Variants in CCDC198 observed in about 807,000 individuals in gnomAD.
CCDC198 encodes the protein coiled-coil domain containing 198.
A neutral mutation model predicts 35.6 loss-of-function variants in CCDC198; 18 were observed. The ratio of observed to expected loss-of-function variants is 0.51; its 90% CI spans 0.35 to 0.75. CCDC198 has a LOEUF of 0.75. Among genes scored for constraint, CCDC198 ranks in the 30% least tolerant of loss-of-function variants. The pLI is 0.01. For missense variants in CCDC198, 365 were observed against 343.7 expected (o/e 1.06, Z -0.49); for synonymous variants, 119 against 113.4 (o/e 1.05, Z -0.31).
chr14:57,487,104 G>A (rs1169911342), intron 2 of CCDC198, among the ~76,000 whole-genome samples: 2 of 152,160 alleles, frequency 1.3e-5, no homozygotes, highest in Admixed American at 1.3e-4. Context: ...TTGTGTGCAT[G>A]TTCCTTTTCC....
At chr14:57,490,648 G>C (rs1307227083) in intron 2 of CCDC198, among the ~76,000 whole-genome samples, 1 of 152,106 alleles carries the variant, frequency 6.6e-6, no homozygotes, top group Non-Finnish European at 1.5e-5. Context: ...TATCTGACTT[G>C]TAGTAGGGTG....
chr14:57,476,865 G>A (rs1441222419), intron 5 of CCDC198, among the ~76,000 whole-genome samples: 5 of 152,226 alleles, frequency 3.3e-5, no homozygotes, highest in Non-Finnish European at 7.3e-5. Context: ...AGGAGAAAGC[G>A]AACTACTTTT....
At chr14:57,482,967 T>C (rs2067236575) in intron 3 of CCDC198, 98 bp downstream of exon 3, 2 of 1,528,650 alleles carry the variant, frequency 1.3e-6, no homozygotes, top group Non-Finnish European at 1.8e-6. Context: ...AACTCCTCCA[T>C]GCAGAGAGTG....
At chr14:57,487,272 C>A in intron 2 of CCDC198, among the ~76,000 whole-genome samples, 1 of 152,120 alleles carries the variant, frequency 6.6e-6, no homozygotes, top group South Asian at 2.1e-4. Context: ...TCAAACAAAA[C>A]AAATGATCAG....
chr14:57,487,237 A>G (rs1036367382), intron 2 of CCDC198, among the ~76,000 whole-genome samples: 2 of 152,194 alleles, frequency 1.3e-5, no homozygotes, highest in African/African-American at 4.8e-5. Context: ...TCATTTGTCT[A>G]AAGACTTCTG....
At chr14:57,486,658 C>T (rs919589805) in intron 2 of CCDC198, among the ~76,000 whole-genome samples, 2 of 151,964 alleles carry the variant, frequency 1.3e-5, no homozygotes, top group African/African-American at 2.4e-5. Context: ...TAATAGACTA[C>T]GGAGGATTTT....
chr14:57,485,636 T>C (rs1418058660), intron 2 of CCDC198, among the ~76,000 whole-genome samples: 1 of 152,160 alleles, frequency 6.6e-6, no homozygotes, highest in African/African-American at 2.4e-5. Context: ...TCCCCACTAC[T>C]TCCCTGTACA....
intron 1 of CCDC198, among the ~76,000 whole-genome samples, chr14:57,492,218 C>T (rs540396954): frequency 9.2e-5 from 14 of 151,912 alleles, no homozygotes; most frequent in South Asian, 2.1e-4. Flanking sequence ...CAAGGTCATT[C>T]GATTTGGTAT....
At chr14:57,472,496 C>CT (rs1230494677) in intron 5 of CCDC198, among the ~76,000 whole-genome samples, 6 of 152,246 alleles carry the variant, frequency 3.9e-5, no homozygotes, top group South Asian at 4.1e-4. Flanking sequence ...TTGGGTAGTG[C>CT]TTTTTGTTGA....
intron 2 of CCDC198, among the ~76,000 whole-genome samples, chr14:57,486,972 C>T (rs1484751800): frequency 6.6e-6 from 1 of 152,164 alleles, no homozygotes; most frequent in African/African-American, 2.4e-5. Context: ...ACTAACATTG[C>T]ACCTGGGATC....
Position 57,471,419 on chromosome 14 carries a change from C to T in CCDC198, c.827G>A (p.Arg276Gln), listed in dbSNP as rs748261627. The change falls in exon 6 of 6, where the codon CGA (arginine) becomes CAA (glutamine). Residue 276 changes from arginine to glutamine, a missense_variant. Physicochemically the swap from Arg to Gln is conservative, Grantham distance 43 (BLOSUM62 1). Coordinates refer to ENST00000216445, the MANE Select transcript of CCDC198 (RefSeq NM_018168.4). Reference protein sequence around the residue: ...DEQGKDEKKPRALVRTRTERI... With the variant: ...DEQGKDEKKPQALVRTRTERI... ...CTCTGTCCTGGTCCTCACCAGTGCT[C>T]GTGGCTTCTTCTCATCTTTCCCCTG... 3.1e-6 allele frequency: 5 copies of T among 1,613,982 alleles called. No individual in the cohort carries two copies. The highest frequency in any genetic ancestry group is 2.2e-5 in the East Asian group (1 of 44,856).
chr14:57,472,927 TG>T (rs1441919081), intron 5 of CCDC198, among the ~76,000 whole-genome samples: 1 of 152,228 alleles, frequency 6.6e-6, no homozygotes, highest in Non-Finnish European at 1.5e-5. Context: ...CATAACTTTT[TG>T]GATGTCATCT....
At chr14:57,491,892 C>G (rs1470104363) in intron 1 of CCDC198, among the ~76,000 whole-genome samples, 1 of 152,068 alleles carries the variant, frequency 6.6e-6, no homozygotes, top group Non-Finnish European at 1.5e-5. Flanking sequence ...AATTATGCAT[C>G]TCTCTCCTTA....
chr14:57,475,639 G>A (rs753794169), intron 5 of CCDC198: 108 of 399,542 alleles, frequency 2.7e-4, no homozygotes, highest in Middle Eastern at 4.3e-4. Flanking sequence ...CTTGGGAGGC[G>A]AAGTTTGCGG....
rs1056812053 is a variant in CCDC198 at position 57,480,627 on chromosome 14, A to G, written c.623T>C (p.Met208Thr). Residue 208 changes from methionine to threonine, a missense_variant, in exon 5 of 6, where the codon ATG becomes ACG. Coordinates refer to ENST00000216445, the MANE Select transcript of CCDC198 (RefSeq NM_018168.4). ...PRNDDHDLLT[M>T]LPDEILNRGP... ...TCTGTTCAAGATTTCATCAGGCAAC[A>G]TGGTTAGAAGGTCATGGTCATCATT... 1 of 1,614,170 alleles carries G rather than the reference A, an allele frequency of 6.2e-7. No individual in the cohort carries two copies. Among genetic ancestry groups the G allele is most frequent in the Non-Finnish European group, 8.5e-7 (1 of 1,180,008 alleles).
intron 2 of CCDC198, among the ~76,000 whole-genome samples, chr14:57,485,266 G>A (rs1201971303): frequency 6.6e-6 from 1 of 152,124 alleles, no homozygotes; most frequent in East Asian, 1.9e-4. Context: ...GCAAGGTCAG[G>A]AGTGAGAAGA....
chr14:57,481,680 T>TGTTA lies in CCDC198; in HGVS notation c.394-24_394-21dup, dbSNP rs1373733783. On this transcript the variant is annotated intron_variant, in intron 3 of 5. Coordinates refer to ENST00000216445, the MANE Select transcript of CCDC198 (RefSeq NM_018168.4). ...TACCTGCTATGAAAGACAACACACT[T>TGTTA]GTTAGTATGGGGTAATTTGTTACTG... The TGTTA allele has an allele frequency of 6.8e-7, 1 of 1,462,938 alleles. No homozygotes were observed. The highest frequency in any genetic ancestry group is 9.5e-7 in the Non-Finnish European group (1 of 1,047,184). The allele number at this position is 1,462,938 out of a possible 1,614,324, so 90.6% of individuals were successfully genotyped here.
intron 3 of CCDC198, among the ~76,000 whole-genome samples, chr14:57,482,681 CT>C (rs1250021586): frequency 6.6e-6 from 1 of 152,126 alleles, no homozygotes; most frequent in Non-Finnish European, 1.5e-5. Context: ...AAGATTTCTC[CT>C]GCAAACTGAG....
chr14:57,477,222 G>A (rs1040067302), intron 5 of CCDC198, among the ~76,000 whole-genome samples: 1 of 152,166 alleles, frequency 6.6e-6, no homozygotes, highest in South Asian at 2.1e-4. Context: ...CATGTACAGG[G>A]CTGCACAGTG....
Sources: allele counts gnomAD v4.1 joint callset (sites outside exome capture counted in the v4.1 genomes callset), GRCh38; gene constraint gnomAD v4.1.1; transcripts MANE v1.5; gene names NCBI Gene and HGNC (gene_info 2026-07-23, HGNC 2026-07-21).